Variants in TMEM132C observed in about 807,000 individuals in gnomAD.
TMEM132C encodes the protein transmembrane protein 132C.
A neutral mutation model predicts 61.4 loss-of-function variants in TMEM132C; 29 were observed. That is an observed-to-expected ratio of 0.47 (90% CI 0.35 to 0.64). TMEM132C has a LOEUF of 0.64. Among genes scored for constraint, TMEM132C ranks in the 30% least tolerant of loss-of-function variants. The pLI, the probability that TMEM132C is intolerant of heterozygous loss-of-function variation, is 0.00. For synonymous variants in TMEM132C, 656 were observed against 633.1 expected (o/e 1.04, Z -0.54); for missense variants, 1,408 against 1,476.9 (o/e 0.95, Z 0.76).
chr12:128,469,595 C>T (rs1870863789), intron 2 of TMEM132C, among the ~76,000 whole-genome samples: 1 of 151,720 alleles, frequency 6.6e-6, no homozygotes, highest in Admixed American at 6.6e-5. Context: ...CATGCCTGGC[C>T]ACAACATGCA....
chr12:128,697,356 A>C lies in TMEM132C; in HGVS notation c.2062A>C (p.Asn688His), dbSNP rs1310851965. The change falls in exon 8 of 9, where the codon AAC becomes CAC. Residue 688 changes from asparagine to histidine, a missense_variant. Physicochemically the swap from Asn to His is moderately conservative, Grantham distance 68. Coordinates refer to ENST00000435159, the MANE Select transcript of TMEM132C (RefSeq NM_001136103.3). Reference sequence around the variant, plus strand: ...TGTCGCCCTTTACCCCAACGCAGAAAACAGCAAGGCCGTAACAGCTGTGGT... The same window carrying C: ...TGTCGCCCTTTACCCCAACGCAGAACACAGCAAGGCCGTAACAGCTGTGGT... Reference protein sequence around the residue: ...LSVALYPNAENSKAVTAVVTA... With the variant: ...LSVALYPNAEHSKAVTAVVTA... 4 of 1,551,144 alleles carry C rather than the reference A, an allele frequency of 2.6e-6. No homozygotes were observed. In the African/African-American group the frequency reaches 5.5e-5, roughly 21 times the overall value.
intron 5 of TMEM132C, among the ~76,000 whole-genome samples, chr12:128,677,910 C>T (rs1043264537): frequency 6.6e-6 from 1 of 152,224 alleles, no homozygotes; most frequent in Non-Finnish European, 1.5e-5. Context: ...AAGGTGCCTG[C>T]GTTAGCTCCG....
intron 1 of TMEM132C, among the ~76,000 whole-genome samples, chr12:128,295,076 A>G (rs758015017): frequency 2.0e-5 from 3 of 146,656 alleles, no homozygotes; most frequent in African/African-American, 7.5e-5. Flanking sequence ...GAAAGAAATG[A>G]TTTATCCTGT....
At chr12:128,592,947 C>T (rs952797754) in intron 3 of TMEM132C, among the ~76,000 whole-genome samples, 4 of 152,258 alleles carry the variant, frequency 2.6e-5, no homozygotes, top group African/African-American at 7.2e-5. Flanking sequence ...GCCACAGCCA[C>T]AGTCATCCAA....
intron 2 of TMEM132C, among the ~76,000 whole-genome samples, chr12:128,497,690 T>C (rs565686800): frequency 1.3e-5 from 2 of 152,280 alleles, no homozygotes; most frequent in South Asian, 4.1e-4. Flanking sequence ...AAGCGCAGTA[T>C]TAGGGTGAGA....
In TMEM132C at chr12:128,287,444, G is replaced by C. The variant is rs114105196; in HGVS notation, c.85+19957G>C. On this transcript the variant is annotated intron_variant, in intron 1 of 8. Coordinates refer to ENST00000435159, the MANE Select transcript of TMEM132C (RefSeq NM_001136103.3). ...TTGTTTATCAGTATTTTTCTTAATA[G>C]CTTTGTCTGAATGTTTCTCTCTCTC... Among the ~76,000 whole-genome samples, 959 of 151,766 alleles carry C rather than the reference G, an allele frequency of 6.3e-3. 10 individuals carry two copies. Among genetic ancestry groups the C allele is most frequent in the African/African-American group, 0.022 (895 of 41,370 alleles).
intron 1 of TMEM132C, among the ~76,000 whole-genome samples, chr12:128,373,361 C>A (rs751021424): frequency 1.5e-4 from 23 of 152,196 alleles, no homozygotes; most frequent in Admixed American, 5.9e-4. Flanking sequence ...AATTGGATTG[C>A]CTCTACCTTC....
At chr12:128,390,157 C>T (rs1304100947) in intron 1 of TMEM132C, among the ~76,000 whole-genome samples, 1 of 152,162 alleles carries the variant, frequency 6.6e-6, no homozygotes, top group Non-Finnish European at 1.5e-5. Flanking sequence ...AGGTGTGAGC[C>T]ACCACACCCG....
At chr12:128,577,854 A>G (rs1875176687) in intron 3 of TMEM132C, among the ~76,000 whole-genome samples, 2 of 152,146 alleles carry the variant, frequency 1.3e-5, no homozygotes, top group Non-Finnish European at 2.9e-5. Flanking sequence ...GGCTTGAAAT[A>G]CCACCTTCTT....
chr12:128,406,189 C>G (rs974214261), intron 1 of TMEM132C, among the ~76,000 whole-genome samples: 1 of 152,224 alleles, frequency 6.6e-6, no homozygotes, highest in African/African-American at 2.4e-5. Context: ...GTGAGAAGTT[C>G]TGCCTTCCAG....
At chr12:128,384,510 T>C (rs897305322) in intron 1 of TMEM132C, among the ~76,000 whole-genome samples, 1 of 152,146 alleles carries the variant, frequency 6.6e-6, no homozygotes, top group East Asian at 1.9e-4. Context: ...CAGCAAAGTT[T>C]CCAGGATTCA....
chr12:128,353,126 C>G (rs1283368760), intron 1 of TMEM132C, among the ~76,000 whole-genome samples: 1 of 152,128 alleles, frequency 6.6e-6, no homozygotes, highest in African/African-American at 2.4e-5. Context: ...AAATATAAAT[C>G]AAGGCCAAAG....
At position 128,447,819 on chromosome 12, in the gene TMEM132C, C is replaced by T. The variant is rs187637843; in HGVS notation, c.974+32199C>T. Reference sequence around the variant, plus strand: ...TCGGCTCACTGCAAGCTCCGCCTCCCGGGTTCACGCCATTCTCCTGCCTCA... The same window carrying T: ...TCGGCTCACTGCAAGCTCCGCCTCCTGGGTTCACGCCATTCTCCTGCCTCA... On this transcript the variant is annotated intron_variant, in intron 2 of 8. Transcript: ENST00000435159. Among the ~76,000 whole-genome samples the T allele has an allele frequency of 1.3e-3, 136 of 108,706 alleles. 14 individuals are homozygous for T. In the Middle Eastern group the frequency reaches 0.038, roughly 30 times the overall value. The allele number at this position is 108,706 out of a possible 152,430, so 71.3% of individuals were successfully genotyped here. A position where few individuals can be genotyped will look rare whatever the true frequency, so the allele number is the denominator to read the frequency against.
chr12:128,543,679 A>G (rs1873843895), intron 2 of TMEM132C, among the ~76,000 whole-genome samples: 1 of 152,022 alleles, frequency 6.6e-6, no homozygotes, highest in African/African-American at 2.4e-5. Context: ...ATGCCTTGAC[A>G]GCTCTGCCCT....
intron 1 of TMEM132C, among the ~76,000 whole-genome samples, chr12:128,358,984 A>G (rs1644513276): frequency 6.6e-6 from 1 of 152,148 alleles, no homozygotes; most frequent in African/African-American, 2.4e-5. Flanking sequence ...CATGCTAGAC[A>G]CTCTACTGCA....
chr12:128,568,471 C>T (rs552053952), intron 3 of TMEM132C, among the ~76,000 whole-genome samples: 1 of 152,304 alleles, frequency 6.6e-6, no homozygotes, highest in South Asian at 2.1e-4. Context: ...CAAATACTTA[C>T]CCTGTACTTG....
intron 2 of TMEM132C, among the ~76,000 whole-genome samples, chr12:128,431,713 C>T (rs1374735611): frequency 1.3e-5 from 2 of 151,996 alleles, no homozygotes; most frequent in African/African-American, 4.8e-5. Flanking sequence ...GGCCACCACG[C>T]CTTGCTAATT....
chr12:128,648,742 A>T (rs1566002504), intron 4 of TMEM132C, among the ~76,000 whole-genome samples: 1 of 151,022 alleles, frequency 6.6e-6, no homozygotes, highest in African/African-American at 2.4e-5. Flanking sequence ...TGTTTACTGG[A>T]GTCCATTGGC....
Position 128,707,417 on chromosome 12 carries a change from T to G in TMEM132C, c.*1122T>G, listed in dbSNP as rs1954851846. On this transcript the variant is annotated 3_prime_UTR_variant, in exon 9 of 9. Coordinates refer to ENST00000435159, the MANE Select transcript of TMEM132C (RefSeq NM_001136103.3). Reference sequence around the variant, plus strand: ...AACATGAACAAAGATAAAAACTGTTTGGAGGGTTTTTGAGTTGTTTTTCTT... The same window carrying G: ...AACATGAACAAAGATAAAAACTGTTGGGAGGGTTTTTGAGTTGTTTTTCTT... The G allele has an allele frequency of 6.6e-6, 1 of 152,222 alleles. No homozygotes were observed. The highest frequency in any genetic ancestry group is 2.1e-4 in the South Asian group (1 of 4,836). The allele number at this position is 152,222 out of a possible 1,614,324, so 9.4% of individuals were successfully genotyped here.
Sources: allele counts gnomAD v4.1 joint callset (sites outside exome capture counted in the v4.1 genomes callset), GRCh38; gene constraint gnomAD v4.1.1; transcripts MANE v1.5; gene names NCBI Gene and HGNC (gene_info 2026-07-23, HGNC 2026-07-21).